The following ZBED6 variants were observed in gnomAD, a reference collection of about 807,000 sequenced individuals.
ZBED6 encodes the protein zinc finger BED domain-containing protein 6.
In ZBED6, 40 loss-of-function variants were observed where a neutral mutation model predicts 58.4. The observed-to-expected ratio is 0.68, with a 90% confidence interval of 0.53 to 0.89. ZBED6 has a LOEUF of 0.89. ZBED6 is among the 40% of genes least tolerant of loss of function. The probability of loss-of-function intolerance (pLI) is 0.00; values close to 1 mark genes in which losing one functional copy is unlikely to be tolerated. For synonymous variants in ZBED6, 439 were observed against 350.6 expected, an observed-to-expected ratio of 1.25 and a Z score of -2.82; for missense variants, 1,057 against 1,003.9, an observed-to-expected ratio of 1.05 and a Z score of -0.71.
At chr1:203,805,997 C>T in intron 1 of ZBED6, 1 of 569,654 alleles carries the variant, frequency 1.8e-6, no homozygotes, top group Non-Finnish European at 3.4e-6. Flanking sequence ...GTGTAATTAA[C>T]TTGTTTCATG....
At chr1:203,826,779 G>T (rs1176579526) in intron 3 of ZBED6, among the ~76,000 whole-genome samples, 1 of 152,148 alleles carries the variant, frequency 6.6e-6, no homozygotes, top group Non-Finnish European at 1.5e-5. Context: ...AGGTTAGTTA[G>T]TTTTTGGGAG....
chr1:203,802,602 TA>T (rs898960141), exon 1 of ZBED6: 2 of 152,364 alleles, frequency 1.3e-5, no homozygotes, highest in African/African-American at 4.8e-5. Flanking sequence ...AATTGGATCT[TA>T]CTGAAAAACT....
Position 203,818,312 on chromosome 1 carries a change from T to C in ZBED6, c.*2754-258T>C, listed in dbSNP as rs899004057. Among the ~76,000 whole-genome samples the C allele has an allele frequency of 3.6e-3, 544 of 150,988 alleles. 4 individuals are homozygous for C. The highest frequency in any genetic ancestry group is 6.6e-3 in the Non-Finnish European group (440 of 67,024). ...ATTTTTAAAGAGGACCTAACACTCC[T>C]ACTTGTCTTTTTCAACTCTTTTTTT... On this transcript the variant is annotated intron_variant, in intron 2 of 16. Coordinates refer to ENST00000550078, the Ensembl canonical transcript of ZBED6.
rs528932022 is a variant in ZBED6 at position 203,796,296 on chromosome 1, C to G, written c.-1227C>G. ...ACCTACTCTCATTCCTCTCCAGGGT[C>G]CCGGTACTTTGGAGCTTGTCTCAAA... On this transcript the variant is annotated 5_prime_UTR_variant, in exon 1 of 17. Transcript: ENST00000550078. 3.3e-5 allele frequency: 13 copies of G among 397,546 alleles called. No individual in the cohort carries two copies. The South Asian group carries it at 1.5e-3, about 46-fold the overall frequency. 24.6% of individuals were successfully genotyped at this position (397,546 alleles called of 1,614,324 possible).
intron 8 of ZBED6, among the ~76,000 whole-genome samples, 187 bp downstream of exon 8, chr1:203,831,958 A>G (rs1268793575): frequency 1.3e-5 from 2 of 152,230 alleles, no homozygotes; most frequent in Non-Finnish European, 1.5e-5. Context: ...TTCTTTGTCA[A>G]GCAGCCCTCA....
At chr1:203,816,460 CA>C (rs919165850) in intron 1 of ZBED6, among the ~76,000 whole-genome samples, 233 of 152,070 alleles carry the variant, frequency 1.5e-3, no homozygotes, top group African/African-American at 5.4e-3. Flanking sequence ...CCTGTCTTTA[CA>C]AAAATTTTTT....
chr1:203,796,757 CTA>C (rs1180077005), exon 1 of ZBED6: 3 of 294,724 alleles, frequency 1.0e-5, no homozygotes, highest in Non-Finnish European at 1.9e-5. Context: ...TATCTGAAAA[CTA>C]AACTTGAATT....
At chr1:203,811,911 G>A (rs930289453) in intron 1 of ZBED6, among the ~76,000 whole-genome samples, 9 of 150,690 alleles carry the variant, frequency 6.0e-5, no homozygotes, top group African/African-American at 1.2e-4. Context: ...CACCTCCTGT[G>A]TTCAAGTGAT....
chr1:203,838,063 A>G (rs779550403), exon 10 of ZBED6: 3 of 1,614,082 alleles, frequency 1.9e-6, no homozygotes, highest in Non-Finnish European at 2.5e-6. Context: ...CACCAAAGAA[A>G]GGTACCTGTG....
rs550296795 is a variant in ZBED6 at position 203,851,496 on chromosome 1, AT to A, written c.*4873+377del. ...AGGTGCCTGCCACAAGGCCTAGCTA[AT>A]TTTTGTATTTTTAGTAGTGACAGGG... On this transcript the variant is annotated intron_variant, in intron 16 of 16. Transcript: ENST00000550078. Among the ~76,000 whole-genome samples, 68 of 152,138 alleles carry A rather than the reference AT, an allele frequency of 4.5e-4. 2 individuals carry two copies. The South Asian group carries it at 0.014, about 32-fold the overall frequency.
exon 1 of ZBED6, chr1:203,797,586 T>G (rs1668981550): frequency 9.8e-6 from 15 of 1,534,264 alleles, no homozygotes; most frequent in Non-Finnish European, 1.3e-5. Context: ...ATGCAACACT[T>G]TTAGTGATTC....
intron 9 of ZBED6, chr1:203,834,055 G>A: frequency 8.1e-7 from 1 of 1,239,138 alleles, no homozygotes; most frequent in Non-Finnish European, 1.0e-6. Flanking sequence ...AATTGAACTA[G>A]ATTATGACCA....
rs779729339 is a variant in ZBED6, at chr1:203,815,211, C to CTTTCTTTTTTT, written c.*2555-1712_*2555-1711insCTTTTTTTTTT. On this transcript the variant is annotated intron_variant, in intron 1 of 16. Coordinates refer to ENST00000550078, the Ensembl canonical transcript of ZBED6. ...GTTATTTCATTATTTTCTTCCTTTT[C>CTTTCTTTTTTT]TTTTCTTTTTTTTTTTTTTTTGAGA... 6.9e-4 allele frequency among the ~76,000 whole-genome samples: 41 copies of CTTTCTTTTTTT among 59,380 alleles called. 2 individuals are homozygous for CTTTCTTTTTTT. Among genetic ancestry groups the CTTTCTTTTTTT allele is most frequent in the East Asian group, 3.7e-3 (10 of 2,714 alleles). 39.0% of individuals were successfully genotyped at this position (59,380 alleles called of 152,430 possible). A position where few individuals can be genotyped will look rare whatever the true frequency, so the allele number is the denominator to read the frequency against.
intron 8 of ZBED6, among the ~76,000 whole-genome samples, 171 bp from the exon 9 acceptor site, chr1:203,833,620 T>TTTTTTG (rs748898294): frequency 2.0e-4 from 6 of 30,178 alleles, no homozygotes; most frequent in African/African-American, 6.4e-4. Flanking sequence ...AGGTTTGGGT[T>TTTTTTG]TTTTTTTTTT....
chr1:203,831,140 C>G (rs766329320), intron 7 of ZBED6, among the ~76,000 whole-genome samples: 74 of 151,704 alleles, frequency 4.9e-4, no homozygotes, highest in Non-Finnish European at 8.1e-4. Flanking sequence ...GACAGGGTTT[C>G]TCCATGTTGG....
Position 203,848,423 on chromosome 1 carries a change from T to C in ZBED6, c.*4322+16T>C, listed in dbSNP as rs1471364170. 5 of 1,588,760 alleles carry C rather than the reference T, an allele frequency of 3.1e-6. No individual in the cohort carries two copies. In the South Asian group the frequency reaches 5.7e-5, roughly 18 times the overall value. ...AGCTAAAGAGGTAAATTTAAGATTA[T>C]TGTATGGTTTTGTTCATGGCAAACA... On this transcript the variant is annotated intron_variant, in intron 13 of 16. Coordinates refer to ENST00000550078, the Ensembl canonical transcript of ZBED6.
intron 1 of ZBED6, among the ~76,000 whole-genome samples, chr1:203,804,968 C>T (rs974890984): frequency 4.6e-5 from 7 of 151,950 alleles, no homozygotes; most frequent in African/African-American, 9.6e-5. Context: ...CTATTGTGCC[C>T]GGCCTGTCTC....
chr1:203,798,787 T>A, exon 1 of ZBED6: 1 of 1,536,154 alleles, frequency 6.5e-7, no homozygotes, highest in Non-Finnish European at 8.7e-7. Flanking sequence ...GTGGAGGATA[T>A]GCATCCTTAC....
At chr1:203,804,152 G>GT (rs74546279) in intron 1 of ZBED6, among the ~76,000 whole-genome samples, 1,078 of 105,122 alleles carry the variant, frequency 0.01, 33 homozygotes, top group Admixed American at 0.044. Context: ...CTGTATATGT[G>GT]TTTTTTTTTT....
Sources: allele counts gnomAD v4.1 joint callset (sites outside exome capture counted in the v4.1 genomes callset), GRCh38; gene constraint gnomAD v4.1.1; transcripts MANE v1.5; gene names NCBI Gene and HGNC (gene_info 2026-07-23, HGNC 2026-07-21).